Variants in GFRA2 observed in about 807,000 individuals in gnomAD.
The protein encoded by GFRA2 is GDNF family receptor alpha 2.
GFRA2 carries 17 observed loss-of-function variants against 48.3 expected under a neutral mutation model. The observed-to-expected ratio is 0.35, with a 90% confidence interval of 0.24 to 0.53. The LOEUF is 0.53. GFRA2 is among the 20% of genes least tolerant of loss of function. The probability of loss-of-function intolerance (pLI) is 0.93; values close to 1 mark genes in which losing one functional copy is unlikely to be tolerated. For missense variants in GFRA2, 660 were observed against 637.3 expected, an observed-to-expected ratio of 1.04 and a Z score of -0.38; for synonymous variants, 305 against 257.2, an observed-to-expected ratio of 1.19 and a Z score of -1.78.
intron 4 of GFRA2, among the ~76,000 whole-genome samples, chr8:21,745,139 T>G (rs1360105409): frequency 1.3e-5 from 2 of 152,152 alleles, no homozygotes; most frequent in African/African-American, 4.8e-5. Flanking sequence ...CTGCTAAATC[T>G]CACACGGGTG....
At chr8:21,704,385 C>T (rs948954600) in intron 6 of GFRA2, among the ~76,000 whole-genome samples, 4 of 152,214 alleles carry the variant, frequency 2.6e-5, no homozygotes, top group South Asian at 2.1e-4. Context: ...AGTCTACCTC[C>T]GTCAGGCACC....
At chr8:21,756,506 G>A (rs1033556001) in intron 3 of GFRA2, among the ~76,000 whole-genome samples, 4 of 152,126 alleles carry the variant, frequency 2.6e-5, no homozygotes, top group African/African-American at 9.7e-5. Flanking sequence ...TGGGGTCAGG[G>A]CTGGGCACAT....
At chr8:21,767,726 T>C (rs1806246637) in intron 3 of GFRA2, among the ~76,000 whole-genome samples, 2 of 151,948 alleles carry the variant, frequency 1.3e-5, no homozygotes, top group African/African-American at 4.8e-5. Flanking sequence ...ACCCAGAAAA[T>C]ACCTTCATCC....
intron 4 of GFRA2, among the ~76,000 whole-genome samples, chr8:21,741,918 C>T (rs1438711350): frequency 8.4e-6 from 1 of 118,530 alleles, no homozygotes; most frequent in African/African-American, 3.9e-5. Flanking sequence ...AAGACTCCAT[C>T]TCAAAAAAAA....
intron 4 of GFRA2, among the ~76,000 whole-genome samples, chr8:21,748,763 C>A (rs1410380971): frequency 6.6e-6 from 1 of 152,200 alleles, no homozygotes; most frequent in East Asian, 1.9e-4. Context: ...CACAACACAA[C>A]AGGCTATCTA....
chr8:21,784,232 C>T (rs1248705069), intron 1 of GFRA2: 1 of 453,130 alleles, frequency 2.2e-6, no homozygotes, highest in African/African-American at 2.0e-5. Flanking sequence ...TTCCTCCAGA[C>T]ACAGACATCG....
intron 4 of GFRA2, chr8:21,706,527 G>A (rs1585234099): frequency 2.3e-6 from 1 of 434,846 alleles, no homozygotes; most frequent in East Asian, 7.1e-5. Context: ...CTATCTGAGG[G>A]TCAAGGAAGC....
rs1484069982 is a variant in GFRA2, at chr8:21,753,576, A to G, written c.440-2634T>C. Among the ~76,000 whole-genome samples, 3 of 152,214 alleles carry G rather than the reference A, an allele frequency of 2.0e-5. No homozygotes were observed. In the East Asian group the frequency reaches 5.8e-4, roughly 29 times the overall value. ...AGAGGTTGCAGTAAGCCAAGATCACACCATTGCACACCAGAGTGGGCAACA... is the reference window on the plus strand; with the variant it reads ...AGAGGTTGCAGTAAGCCAAGATCACGCCATTGCACACCAGAGTGGGCAACA... On this transcript the variant is annotated intron_variant, in intron 3 of 8. Transcript: ENST00000524240.
intron 3 of GFRA2, among the ~76,000 whole-genome samples, chr8:21,761,678 G>A (rs549907288): frequency 6.6e-5 from 10 of 152,304 alleles, no homozygotes; most frequent in South Asian, 2.1e-4. Context: ...GGCTGGGTGC[G>A]GTTGCTCACA....
rs1278768650 is a variant in GFRA2, at chr8:21,788,177, G to GT, written c.-19dup. Reference sequence around the variant, plus strand: ...AAGATCATGTTAAATAAATCCCACCGTTTTTTTGTCTTTCTCCCTTGGGTA... The same window carrying GT: ...AAGATCATGTTAAATAAATCCCACCGTTTTTTTTGTCTTTCTCCCTTGGGTA... On this transcript the variant is annotated 5_prime_UTR_variant, in exon 1 of 9. Coordinates refer to ENST00000524240, the MANE Select transcript of GFRA2 (RefSeq NM_001495.5). The GT allele has an allele frequency of 3.2e-5, 51 of 1,593,452 alleles. No homozygotes were observed. Among genetic ancestry groups the GT allele is most frequent in the Admixed American group, 5.1e-5 (3 of 58,256 alleles).
rs116761995 is a variant in GFRA2 at position 21,705,578 on chromosome 8, G to A, written c.904+354C>T. Among the ~76,000 whole-genome samples the A allele has an allele frequency of 2.6e-3, 400 of 152,326 alleles. 3 individuals carry two copies. Among genetic ancestry groups the A allele is most frequent in the African/African-American group, 9.2e-3 (383 of 41,566 alleles). On this transcript the variant is annotated intron_variant, in intron 5 of 8. Transcript: ENST00000524240. The stretch of plus-strand genomic sequence containing the variant: ...CTCATCTATAAAATGGAGATTATCA[G>A]CACCCCGCTAGCAAGAGCTGTTGGG...
At chr8:21,795,129 C>T (rs2117106158) in intron 2 of GFRA2, among the ~76,000 whole-genome samples, 1 of 152,306 alleles carries the variant, frequency 6.6e-6, no homozygotes, top group East Asian at 1.9e-4. Flanking sequence ...GAACCTGCAG[C>T]TGCTGCAGCT....
chr8:21,779,616 G>A (rs34750050), intron 2 of GFRA2: 35,299 of 152,122 alleles, frequency 0.23, 4,270 homozygotes, highest in African/African-American at 0.29. Context: ...TGAAGACAGC[G>A]CCTTATCTCC....
At chr8:21,703,340 G>T (rs1353038890) in intron 6 of GFRA2, among the ~76,000 whole-genome samples, 1 of 152,034 alleles carries the variant, frequency 6.6e-6, no homozygotes, top group African/African-American at 2.4e-5. Flanking sequence ...ACCTCCCAAA[G>T]CTCCTCACCC....
intron 4 of GFRA2, among the ~76,000 whole-genome samples, chr8:21,742,700 C>T (rs1421701365): frequency 1.3e-5 from 2 of 152,322 alleles, no homozygotes; most frequent in East Asian, 3.9e-4. Flanking sequence ...GCCTCTGGTA[C>T]AAACAAACTA....
chr8:21,794,603 G>C lies in GFRA2; in HGVS notation c.-35-6409C>G, dbSNP rs1002268725. On this transcript the variant is annotated intron_variant, in intron 2 of 10. Coordinates refer to the GFRA2 transcript ENST00000517328. ...AAATAAAATATTTACTGTGGACCTT[G>C]TCTGGCATAAGCTTTGGAGTTCAAG... 9.9e-4 allele frequency among the ~76,000 whole-genome samples: 150 copies of C among 152,282 alleles called. 1 individual carries two copies. The highest frequency in any genetic ancestry group is 3.5e-3 in the African/African-American group (145 of 41,564).
intron 1 of GFRA2, among the ~76,000 whole-genome samples, chr8:21,807,845 T>C (rs537483309): frequency 2.6e-5 from 4 of 152,244 alleles, no homozygotes; most frequent in African/African-American, 7.2e-5. Context: ...GTCTGTAACA[T>C]GGACATCATA....
intron 6 of GFRA2, 100 bp downstream of exon 6, chr8:21,704,885 A>G (rs911551632): frequency 6.3e-6 from 6 of 959,462 alleles, no homozygotes; most frequent in Admixed American, 2.0e-5. Flanking sequence ...CCTCATCTAC[A>G]TCACCAGCCA....
At chr8:21,776,037 G>GTGTGTGTGTGTGTGTGTGTGTA (rs549952048) in intron 2 of GFRA2, among the ~76,000 whole-genome samples, 33 of 139,896 alleles carry the variant, frequency 2.4e-4, no homozygotes, top group Middle Eastern at 3.8e-3. Context: ...GTGTGTGTGT[G>GTGTGTGTGTGTGTGTGTGTGTA]TGTAGTGAAA....
Sources: gnomAD v4.1 joint callset for allele counts (sites outside exome capture counted in the v4.1 genomes callset) on GRCh38, gnomAD v4.1.1 for gene constraint, MANE v1.5 for transcripts, NCBI Gene and HGNC (gene_info 2026-07-23, HGNC 2026-07-21) for gene names.